Variants in ABCA13 observed in about 807,000 individuals in gnomAD.
The protein encoded by ABCA13 is ATP binding cassette subfamily A member 13, also known as ATP-binding cassette sub-family A member 13.
In ABCA13, 476 loss-of-function variants were observed where a neutral mutation model predicts 478.7. The observed-to-expected ratio is 0.99, with a 90% CI of 0.92 to 1.07. ABCA13 has a LOEUF of 1.07. ABCA13 is among the 50% of genes least tolerant of loss of function. The pLI is 0.00. For synonymous variants in ABCA13, 2,252 were observed against 2,158.9 expected, an observed-to-expected ratio of 1.04 and a Z score of -1.20; for missense variants, 6,060 against 5,910.6, an observed-to-expected ratio of 1.03 and a Z score of -0.83.
At chr7:48,442,680 T>A (rs1018490913) in intron 42 of ABCA13, among the ~76,000 whole-genome samples, 2 of 152,228 alleles carry the variant, frequency 1.3e-5, no homozygotes, top group Non-Finnish European at 2.9e-5. Context: ...GAGAGTTTGT[T>A]ACAACACAGA....
Position 48,640,118 on chromosome 7 carries a change from A to T in ABCA13, c.14838-3170A>T, listed in dbSNP as rs572266440. Among the ~76,000 whole-genome samples the T allele has an allele frequency of 6.2e-4, 94 of 152,342 alleles. 1 individual carries two copies. The highest frequency in any genetic ancestry group is 2.2e-3 in the African/African-American group (93 of 41,578). On this transcript the variant is annotated intron_variant, in intron 59 of 61. Transcript: ENST00000435803. ...TCTATGATTTTCTATTTTGCACTTA[A>T]TATTATATAATAGCCATTTTCTCTT...
chr7:48,420,904 T>C (rs1441098540), intron 41 of ABCA13, among the ~76,000 whole-genome samples: 1 of 152,178 alleles, frequency 6.6e-6, no homozygotes, highest in Non-Finnish European at 1.5e-5. Context: ...ACTGTCAATC[T>C]GCAAGAATTC....
At chr7:48,623,089 G>T (rs1032198689) in intron 59 of ABCA13, among the ~76,000 whole-genome samples, 1 of 152,154 alleles carries the variant, frequency 6.6e-6, no homozygotes, top group African/African-American at 2.4e-5. Flanking sequence ...CTTCCTGCTG[G>T]AGCACTTCCC....
intron 1 of ABCA13, among the ~76,000 whole-genome samples, chr7:48,176,860 T>C (rs1029575760): frequency 1.3e-5 from 2 of 152,224 alleles, no homozygotes; most frequent in East Asian, 3.8e-4. Flanking sequence ...TCTTTTAAGA[T>C]GTAAAGAAAC....
At chr7:48,352,135 C>T (rs747383482) in intron 30 of ABCA13, 46 bp from the exon 31 acceptor site, 1 of 1,552,790 alleles carries the variant, frequency 6.4e-7, no homozygotes, top group Non-Finnish European at 8.7e-7. Context: ...GTTTGAGCCA[C>T]TCCCTACAGT....
At chr7:48,334,325 GTC>G (rs1805870099) in intron 27 of ABCA13, among the ~76,000 whole-genome samples, 1 of 150,448 alleles carries the variant, frequency 6.6e-6, no homozygotes, top group African/African-American at 2.5e-5. Flanking sequence ...ACTTACAAGA[GTC>G]TCTATCCCTA....
chr7:48,411,604 A>G (rs62447269), intron 40 of ABCA13, among the ~76,000 whole-genome samples: 29,572 of 152,016 alleles, frequency 0.19, 3,258 homozygotes, highest in East Asian at 0.23. Context: ...CACCATGCCC[A>G]GCCTAGAAAT....
chr7:48,291,624 G>A (rs919448105), intron 20 of ABCA13, among the ~76,000 whole-genome samples: 2 of 152,102 alleles, frequency 1.3e-5, no homozygotes, highest in Non-Finnish European at 2.9e-5. Context: ...TCCTCAGTCC[G>A]AGCACTCCAG....
rs183358970 is a variant in ABCA13 at position 48,338,432 on chromosome 7, T to A, written c.10181T>A (p.Leu3394His). ...CAGTTGCACATTGATGTAGACAAAC[T>A]TACTGAAAAACTCCAGACATACGGT... ...ENQLHIDVDKLTEKLQTYGGL... is the reference protein window; with the variant it reads ...ENQLHIDVDKHTEKLQTYGGL... The change falls in exon 29 of 62, where the codon CTT (leucine) becomes CAT (histidine). Residue 3394 changes from leucine (L) to histidine (H), a missense_variant. By Grantham distance (99) the Leu-to-His change is moderately conservative. Transcript: ENST00000435803. The A allele has an allele frequency of 2.0e-3, 3,161 of 1,597,794 alleles. 7 individuals are homozygous for A. Among genetic ancestry groups the A allele is most frequent in the Admixed American group, 3.1e-3 (181 of 58,428 alleles).
chr7:48,240,530 A>G (rs1406992801), intron 9 of ABCA13, among the ~76,000 whole-genome samples: 1 of 152,214 alleles, frequency 6.6e-6, no homozygotes, highest in Non-Finnish European at 1.5e-5. Flanking sequence ...ATGCAAATAT[A>G]TTTATGCTAT....
rs1832148226 is a variant in ABCA13, at chr7:48,516,759, A to G, written c.13675A>G (p.Arg4559Gly). The G allele has an allele frequency of 6.2e-7, 1 of 1,613,814 alleles. No homozygotes were observed. Among genetic ancestry groups the G allele is most frequent in the Non-Finnish European group, 8.5e-7 (1 of 1,179,728 alleles). ...ATLPWMYLMS[R>G]IFSSSDVAFI... ...TCTTCCATGGATGTACCTGATGTCC[A>G]GAATCTTTTCCAGTTCGGACGTGGC... The change falls in exon 52 of 62, where the codon AGA becomes GGA. Residue 4559 changes from arginine to glycine, a missense_variant. This residue lies in a region of ABCA13 where 1,627 missense variants were observed against 1,571.0 expected (regional missense o/e 1.04). Transcript: ENST00000435803.
At position 48,392,098 on chromosome 7, in the gene ABCA13, G is replaced by A. The variant is rs761774828; in HGVS notation, c.11832G>A (p.Ala3944=). 26 of 1,613,920 alleles carry A rather than the reference G, an allele frequency of 1.6e-5. No individual in the cohort carries two copies. The highest frequency in any genetic ancestry group is 1.4e-4 in the South Asian group (13 of 91,074). The change falls in exon 38 of 62, where the codon GCG becomes GCA. Residue 3944 remains alanine (A), a synonymous_variant. Transcript: ENST00000435803. ...TGCTGCTCTTTGCTTCCATAAAGGC[G>A]CCTCAGTGGACCAAGAAGGAGCTGC... ...EHLLLFASIK[A]PQWTKKELHQ... is the part of the protein sequence containing the mutation.
At chr7:48,615,414 A>T (rs375013726) in intron 59 of ABCA13, 37 bp downstream of exon 59, 3 of 1,516,322 alleles carry the variant, frequency 2.0e-6, no homozygotes, top group South Asian at 2.4e-5. Flanking sequence ...GATATTTACT[A>T]TGAAATCAAT....
Position 48,594,575 on chromosome 7 carries a change from A to T in ABCA13, c.14641-135A>T, listed in dbSNP as rs886693897. 8 of 724,938 alleles carry T rather than the reference A, an allele frequency of 1.1e-5. No individual in the cohort carries two copies. In the Admixed American group the frequency reaches 1.7e-4, roughly 16 times the overall value. The allele number at this position is 724,938 out of a possible 1,614,324, so 44.9% of individuals were successfully genotyped here. ...GGCTTTGTTGAGCAGAGTGCAACAA[A>T]GCCAATTGGAGAGGTGTCTTTTAGA... On this transcript the variant is annotated intron_variant, in intron 57 of 61. Transcript: ENST00000435803.
intron 35 of ABCA13, among the ~76,000 whole-genome samples, chr7:48,380,407 C>T (rs1339436694): frequency 6.6e-6 from 1 of 152,158 alleles, no homozygotes; most frequent in Non-Finnish European, 1.5e-5. Flanking sequence ...CTATTGATGG[C>T]GTTGTTTTCC....
In ABCA13 at chr7:48,272,148, T is replaced by C; in HGVS notation, c.2482T>C (p.Phe828Leu). The change falls in exon 17 of 62, where the codon TTT (phenylalanine) becomes CTT (leucine). Residue 828 changes from phenylalanine (F) to leucine (L), a missense_variant. Phe to Leu is a conservative substitution (Grantham distance 22, BLOSUM62 0). Coordinates refer to ENST00000435803, the MANE Select transcript of ABCA13 (RefSeq NM_152701.5). Reference sequence around the variant, plus strand: ...TTTGAGATTCATAGAATTAATACTTTTTGAAATTAATCCCAAATTACTAGA... The same window carrying C: ...TTTGAGATTCATAGAATTAATACTTCTTGAAATTAATCCCAAATTACTAGA... ...NLLRFIELIL[F>L]EINPKLLELW... 1 of 1,613,250 alleles carries C rather than the reference T, an allele frequency of 6.2e-7. No individual in the cohort carries two copies. Among genetic ancestry groups the C allele is most frequent in the South Asian group, 1.1e-5 (1 of 90,968 alleles).
intron 7 of ABCA13, 90 bp downstream of exon 7, chr7:48,230,045 A>T: frequency 7.3e-7 from 1 of 1,366,914 alleles, no homozygotes; most frequent in East Asian, 2.4e-5. Context: ...ATGATGTTCA[A>T]AATGATTTAA....
At chr7:48,631,336 G>T (rs912218854) in intron 59 of ABCA13, among the ~76,000 whole-genome samples, 2 of 152,054 alleles carry the variant, frequency 1.3e-5, no homozygotes, top group Admixed American at 1.3e-4. Context: ...TATACATGGT[G>T]AAAGATGGGG....
chr7:48,353,744 G>C (rs1191334806), intron 31 of ABCA13, among the ~76,000 whole-genome samples: 3 of 151,856 alleles, frequency 2.0e-5, no homozygotes, highest in Admixed American at 2.0e-4. Flanking sequence ...TCCCACAGTG[G>C]GAGGATAAAA....
Sources: allele counts gnomAD v4.1 joint callset (sites outside exome capture counted in the v4.1 genomes callset), GRCh38; gene constraint gnomAD v4.1.1; regional missense constraint gnomAD v4.1.1; transcripts MANE v1.5; gene names NCBI Gene and HGNC (gene_info 2026-07-23, HGNC 2026-07-21).